PCDH15: variants seen among roughly 807,000 people sequenced by gnomAD.
The protein encoded by PCDH15 is protocadherin-15.
In PCDH15, 129 loss-of-function variants were observed where a neutral mutation model predicts 178.5. That is an observed-to-expected ratio of 0.72 (90% CI 0.63 to 0.84). The LOEUF is 0.84. Among genes scored for constraint, PCDH15 ranks in the 40% least tolerant of loss-of-function variants. The pLI is 0.00. For missense variants in PCDH15, 2,230 were observed against 2,099.9 expected (o/e 1.06, Z -1.21); for synonymous variants, 800 against 732.0 (o/e 1.09, Z -1.50).
chr10:54,863,833 G>C (rs1953890656), intron 3 of PCDH15, among the ~76,000 whole-genome samples: 1 of 152,176 alleles, frequency 6.6e-6, no homozygotes, highest in African/African-American at 2.4e-5. Flanking sequence ...TGTTTAGGGA[G>C]ACTGGATTGC....
intron 1 of PCDH15, among the ~76,000 whole-genome samples, chr10:54,695,165 T>C (rs1342374368): frequency 3.3e-5 from 5 of 152,156 alleles, no homozygotes; most frequent in Non-Finnish European, 5.9e-5. Context: ...CGTATACATA[T>C]GTAACAAACC....
intron 2 of PCDH15, among the ~76,000 whole-genome samples, chr10:55,326,362 G>A (rs10825496): frequency 0.26 from 39,539 of 151,956 alleles, 6,312 homozygotes; most frequent in Admixed American, 0.36. Context: ...GACTAATAAA[G>A]AAAATGTAGT....
At chr10:54,877,414 G>GA in intron 3 of PCDH15, among the ~76,000 whole-genome samples, 1 of 152,118 alleles carries the variant, frequency 6.6e-6, no homozygotes, top group Non-Finnish European at 1.5e-5. Flanking sequence ...CAATACAAAT[G>GA]AAAAATACAA....
rs557096265 is a variant in PCDH15 at position 54,651,616 on chromosome 10, C to A, written c.91+12556G>T. 3.3e-5 allele frequency among the ~76,000 whole-genome samples: 5 copies of A among 152,276 alleles called. No individual in the cohort carries two copies. In the South Asian group the frequency reaches 8.3e-4, roughly 25 times the overall value. ...TGAAAGCAAGGGAAGGAGAGATCCA[C>A]TCCACCTAGTCACTCAAAGATAAGG... is the stretch of plus-strand genomic sequence containing the variant. On this transcript the variant is annotated intron_variant, in intron 2 of 37. Transcript: ENST00000644397.
intron 2 of PCDH15, among the ~76,000 whole-genome samples, chr10:55,041,017 A>G (rs1564740988): frequency 6.6e-6 from 1 of 152,094 alleles, no homozygotes; most frequent in Non-Finnish European, 1.5e-5. Context: ...ATTACAAGAT[A>G]AATATTTTCT....
chr10:53,945,484 C>T (rs1007891000), intron 23 of PCDH15, among the ~76,000 whole-genome samples: 1 of 147,254 alleles, frequency 6.8e-6, no homozygotes, highest in Non-Finnish European at 1.5e-5. Flanking sequence ...ACTATGGTCA[C>T]CATGTTGTAA....
intron 26 of PCDH15, among the ~76,000 whole-genome samples, chr10:53,895,630 A>T (rs1440275401): frequency 2.0e-5 from 3 of 152,220 alleles, no homozygotes; most frequent in African/African-American, 7.2e-5. Flanking sequence ...AATCTTGATC[A>T]CATTTAACAT....
chr10:53,883,231 T>A, intron 26 of PCDH15, among the ~76,000 whole-genome samples: 1 of 152,116 alleles, frequency 6.6e-6, no homozygotes, highest in Admixed American at 6.5e-5. Flanking sequence ...TGTGTATTCT[T>A]CCAGCAAACT....
chr10:53,999,052 CA>C (rs33951115), intron 20 of PCDH15, among the ~76,000 whole-genome samples: 13,551 of 92,484 alleles, frequency 0.15, 770 homozygotes, highest in African/African-American at 0.34. Context: ...TACTCAGTCT[CA>C]AAAAAAAAAA....
chr10:55,303,820 G>A (rs971933831), intron 1 of PCDH15, among the ~76,000 whole-genome samples: 1 of 151,880 alleles, frequency 6.6e-6, no homozygotes, highest in African/African-American at 2.4e-5. Context: ...CTGTCTAAAG[G>A]CTTATTTTAT....
chr10:55,476,470 TC>T (rs1840064328), intron 2 of PCDH15, among the ~76,000 whole-genome samples: 1 of 151,978 alleles, frequency 6.6e-6, no homozygotes, highest in African/African-American at 2.4e-5. Flanking sequence ...TTGGAAATAT[TC>T]CAAGAATATT....
chr10:54,815,743 T>A (rs1431657672), intron 3 of PCDH15, among the ~76,000 whole-genome samples: 4 of 152,072 alleles, frequency 2.6e-5, no homozygotes, highest in African/African-American at 9.7e-5. Context: ...GCTTAATATA[T>A]GCTATATAGA....
At chr10:54,266,721 A>C (rs1457557286) in intron 8 of PCDH15, among the ~76,000 whole-genome samples, 5 of 151,964 alleles carry the variant, frequency 3.3e-5, no homozygotes, top group Non-Finnish European at 7.4e-5. Context: ...ACCTTCCTGG[A>C]AACACACAAC....
At chr10:55,292,365 ATATTT>A (rs887924490) in intron 1 of PCDH15, among the ~76,000 whole-genome samples, 10 of 152,154 alleles carry the variant, frequency 6.6e-5, no homozygotes, top group African/African-American at 1.9e-4. Context: ...ATCTTATTTT[ATATTT>A]TATTTTATTT....
chr10:54,512,972 C>T (rs1259961767), intron 3 of PCDH15, among the ~76,000 whole-genome samples: 1 of 151,996 alleles, frequency 6.6e-6, no homozygotes, highest in Non-Finnish European at 1.5e-5. Flanking sequence ...AATCATACCA[C>T]ATGACAAGGC....
chr10:54,254,682 T>C (rs112053003), intron 8 of PCDH15, among the ~76,000 whole-genome samples: 4 of 152,282 alleles, frequency 2.6e-5, no homozygotes, highest in Non-Finnish European at 4.4e-5. Flanking sequence ...TTGGTTTTAA[T>C]GTTTGAAATT....
In PCDH15 at chr10:55,544,139, C is replaced by CATATATATATATATATAT. The variant is rs1176456895; in HGVS notation, c.-156+83468_-156+83485dup. 5.4e-3 allele frequency among the ~76,000 whole-genome samples: 292 copies of CATATATATATATATATAT among 54,068 alleles called. 9 individuals carry two copies. Among genetic ancestry groups the CATATATATATATATATAT allele is most frequent in the Middle Eastern group, 0.015 (1 of 68 alleles). 35.5% of individuals were successfully genotyped at this position (54,068 alleles called of 152,430 possible). A position where few individuals can be genotyped will look rare whatever the true frequency, so the allele number is the denominator to read the frequency against. On this transcript the variant is annotated intron_variant, in intron 2 of 5. Coordinates refer to the PCDH15 transcript ENST00000613346. ...CAGTTTTCCTCAAATCTTATACATACATATATATATATATATATATATATA... is the reference window on the plus strand; with the variant it reads ...CAGTTTTCCTCAAATCTTATACATACATATATATATATATATATATATATATATATATATATATATATA...
intron 1 of PCDH15, among the ~76,000 whole-genome samples, chr10:55,262,752 T>C (rs1429678575): frequency 6.6e-6 from 1 of 152,130 alleles, no homozygotes; most frequent in African/African-American, 2.4e-5. Context: ...TCCAAGCCCA[T>C]GTGTGGCCTG....
At chr10:54,082,586 C>T (rs1402854005) in intron 16 of PCDH15, among the ~76,000 whole-genome samples, 3 of 152,140 alleles carry the variant, frequency 2.0e-5, no homozygotes, top group East Asian at 3.9e-4. Context: ...ACAGCTATTA[C>T]CTCAAAATGG....
Sources: gnomAD v4.1 joint callset for allele counts (sites outside exome capture counted in the v4.1 genomes callset) on GRCh38, gnomAD v4.1.1 for gene constraint, MANE v1.5 for transcripts, NCBI Gene and HGNC (gene_info 2026-07-23, HGNC 2026-07-21) for gene names.